PRTFDC1: variants seen among roughly 807,000 people sequenced by gnomAD.
The protein encoded by PRTFDC1 is phosphoribosyltransferase domain-containing protein 1.
PRTFDC1 carries 38 observed loss-of-function variants against 34.6 expected under a neutral mutation model. The observed-to-expected ratio is 1.10, with a 90% CI of 0.85 to 1.44. PRTFDC1 has a LOEUF of 1.44. PRTFDC1 is among the 40% of genes most tolerant of loss of function. The pLI is 0.00. For synonymous variants in PRTFDC1, 93 were observed against 98.1 expected, an observed-to-expected ratio of 0.95 and a Z score of 0.31; for missense variants, 270 against 283.0, an observed-to-expected ratio of 0.95 and a Z score of 0.33.
chr10:24,867,670 GT>G (rs1847802717), intron 4 of PRTFDC1: 2 of 151,590 alleles, frequency 1.3e-5, no homozygotes, highest in African/African-American at 4.9e-5. Context: ...TTTTTATTAA[GT>G]TTTATTCTTG....
intron 3 of PRTFDC1, among the ~76,000 whole-genome samples, chr10:24,924,893 A>G (rs1174413016): frequency 5.3e-5 from 8 of 152,248 alleles, no homozygotes; most frequent in Non-Finnish European, 1.0e-4. Flanking sequence ...TAGTTCAACT[A>G]TTGTGGAAGA....
intron 3 of PRTFDC1, 137 bp from the exon 4 acceptor site, chr10:24,872,200 T>TAACCATAGGCAACCATGAA: frequency 2.8e-6 from 2 of 708,242 alleles, no homozygotes; most frequent in Non-Finnish European, 4.7e-6. Context: ...GGATTCATGG[T>TAACCATAGGCAACCATGAA]TGCCTATGGT....
At chr10:24,849,944 C>G (rs1565253815) in intron 8 of PRTFDC1, 53 bp from the exon 9 acceptor site, 2 of 1,561,102 alleles carry the variant, frequency 1.3e-6, no homozygotes, top group East Asian at 2.2e-5. Context: ...ATATGAGACA[C>G]AGAAAAGGTG....
At chr10:24,897,835 G>T (rs947273673) in intron 3 of PRTFDC1, among the ~76,000 whole-genome samples, 12 of 152,158 alleles carry the variant, frequency 7.9e-5, no homozygotes, top group Admixed American at 6.5e-4. Context: ...TGATCATAAG[G>T]TCTCAAAAGC....
chr10:24,881,272 G>A (rs2132525824), intron 3 of PRTFDC1, among the ~76,000 whole-genome samples: 1 of 151,906 alleles, frequency 6.6e-6, no homozygotes, highest in African/African-American at 2.4e-5. Flanking sequence ...GTCTTACTAT[G>A]TTGACCAGGC....
At chr10:24,909,450 G>C (rs1214935284) in intron 3 of PRTFDC1, among the ~76,000 whole-genome samples, 2 of 152,156 alleles carry the variant, frequency 1.3e-5, no homozygotes, top group Non-Finnish European at 2.9e-5. Flanking sequence ...ACTAGGCTAT[G>C]GATCCTTTTA....
At chr10:24,946,908 G>A (rs766764092) in intron 1 of PRTFDC1, among the ~76,000 whole-genome samples, 2 of 152,192 alleles carry the variant, frequency 1.3e-5, no homozygotes, top group South Asian at 4.1e-4. Context: ...GGCTGAAGTG[G>A]GAGGATCACT....
At position 24,849,364 on chromosome 10, in the gene PRTFDC1, A is replaced by G. The variant is rs1471888262; in HGVS notation, c.*480T>C. The G allele has an allele frequency of 6.5e-6, 1 of 152,808 alleles. No individual in the cohort carries two copies. Among genetic ancestry groups the G allele is most frequent in the Non-Finnish European group, 1.5e-5 (1 of 68,222 alleles). 9.5% of individuals were successfully genotyped at this position (152,808 alleles called of 1,614,324 possible). ...AAATTGTCCTTTCCCTCCTTTTAAA[A>G]TATGGGAATCTATTAATAGCTGCAT... On this transcript the variant is annotated 3_prime_UTR_variant, in exon 9 of 9. Coordinates refer to ENST00000320152, the MANE Select transcript of PRTFDC1 (RefSeq NM_020200.7).
At chr10:24,880,101 T>A (rs578037312) in intron 3 of PRTFDC1, among the ~76,000 whole-genome samples, 1 of 152,262 alleles carries the variant, frequency 6.6e-6, no homozygotes, top group South Asian at 2.1e-4. Flanking sequence ...AAAGAGTACA[T>A]TCAGGGTTCC....
intron 3 of PRTFDC1, among the ~76,000 whole-genome samples, chr10:24,893,757 G>A (rs1024717992): frequency 3.3e-5 from 5 of 152,248 alleles, no homozygotes; most frequent in South Asian, 2.1e-4. Context: ...TAATTAAATC[G>A]TTGGTCCAAG....
intron 3 of PRTFDC1, among the ~76,000 whole-genome samples, chr10:24,887,208 G>A (rs1366761060): frequency 6.6e-6 from 1 of 150,876 alleles, no homozygotes; most frequent in Non-Finnish European, 1.5e-5. Context: ...CTGACCTCAT[G>A]ATCCACCCGC....
intron 4 of PRTFDC1, among the ~76,000 whole-genome samples, chr10:24,865,614 G>T (rs950431395): frequency 1.3e-5 from 2 of 152,004 alleles, no homozygotes; most frequent in African/African-American, 4.8e-5. Context: ...TAATCACAAG[G>T]GGTTTCCTAA....
At chr10:24,940,056 C>G (rs996126272) in intron 2 of PRTFDC1, among the ~76,000 whole-genome samples, 7 of 152,060 alleles carry the variant, frequency 4.6e-5, no homozygotes, top group African/African-American at 7.2e-5. Context: ...AACAAAGTGT[C>G]AAAAACCTAA....
At chr10:24,908,332 T>C (rs1848569293) in intron 3 of PRTFDC1, 4 of 833,752 alleles carry the variant, frequency 4.8e-6, no homozygotes, top group Non-Finnish European at 5.3e-6. Context: ...TTATCCAGCA[T>C]GTTTCTTTAC....
intron 1 of PRTFDC1, among the ~76,000 whole-genome samples, chr10:24,951,000 G>A (rs768678911): frequency 3.3e-5 from 5 of 151,948 alleles, no homozygotes; most frequent in African/African-American, 7.3e-5. Context: ...CCCTTTTTGC[G>A]TTTTAGTCCC....
chr10:24,856,558 A>G (rs565311880), intron 6 of PRTFDC1, among the ~76,000 whole-genome samples: 1 of 152,300 alleles, frequency 6.6e-6, no homozygotes, highest in South Asian at 2.1e-4. Context: ...ACTGCACTCC[A>G]GCCCAGCCTG....
At chr10:24,858,156 T>C (rs1207842115) in intron 5 of PRTFDC1, among the ~76,000 whole-genome samples, 1 of 152,236 alleles carries the variant, frequency 6.6e-6, no homozygotes, top group Non-Finnish European at 1.5e-5. Flanking sequence ...CACAGAGATA[T>C]GTGGAACTGG....
intron 3 of PRTFDC1, among the ~76,000 whole-genome samples, chr10:24,891,625 T>TAA (rs68171097): frequency 7.4e-5 from 11 of 148,962 alleles, no homozygotes; most frequent in Middle Eastern, 3.5e-3. Flanking sequence ...CCCAGTCTCT[T>TAA]AAAAAAAAAA....
chr10:24,890,427 C>A (rs1181256110), intron 3 of PRTFDC1, among the ~76,000 whole-genome samples: 1 of 152,206 alleles, frequency 6.6e-6, no homozygotes, highest in Non-Finnish European at 1.5e-5. Flanking sequence ...CACTACATGG[C>A]CTAGCAAGGG....
Sources: gnomAD v4.1 joint callset for allele counts (sites outside exome capture counted in the v4.1 genomes callset) on GRCh38, gnomAD v4.1.1 for gene constraint, MANE v1.5 for transcripts, NCBI Gene and HGNC (gene_info 2026-07-23, HGNC 2026-07-21) for gene names.